Variants in APBA1 observed in about 807,000 individuals in gnomAD.
APBA1 encodes the protein amyloid-beta A4 precursor protein-binding family A member 1.
Under a neutral mutation model 86.6 loss-of-function variants are expected in APBA1, and 55 were observed. That is an observed-to-expected ratio of 0.64 (90% CI 0.51 to 0.80). The LOEUF (loss-of-function observed/expected upper bound fraction) is 0.80. Ranked by LOEUF, APBA1 falls within the 30% of genes least tolerant of loss-of-function variation. The probability of loss-of-function intolerance (pLI) is 0.00; values close to 1 mark genes in which losing one functional copy is unlikely to be tolerated. For synonymous variants in APBA1, 511 were observed against 493.9 expected (o/e 1.03, Z -0.46); for missense variants, 1,090 against 1,183.0 (o/e 0.92, Z 1.15).
At chr9:69,537,868 C>A (rs967600635) in intron 1 of APBA1, among the ~76,000 whole-genome samples, 2 of 151,210 alleles carry the variant, frequency 1.3e-5, no homozygotes, top group Non-Finnish European at 3.0e-5. Flanking sequence ...CAAATGTTTT[C>A]CCCCAGTGTA....
At chr9:69,434,961 A>G (rs1356746385) in intron 11 of APBA1, among the ~76,000 whole-genome samples, 1 of 98,376 alleles carries the variant, frequency 1.0e-5, no homozygotes, top group Non-Finnish European at 1.9e-5. Context: ...CCACCCCACA[A>G]CAGTCCCCAG....
chr9:69,645,896 C>T (rs996008720), intron 1 of APBA1, among the ~76,000 whole-genome samples: 64 of 152,212 alleles, frequency 4.2e-4, no homozygotes, highest in African/African-American at 1.5e-3. Flanking sequence ...AATTCTCCAG[C>T]TGCCCAATCA....
intron 10 of APBA1, among the ~76,000 whole-genome samples, chr9:69,447,406 C>T (rs1253749383): frequency 6.6e-6 from 1 of 152,178 alleles, no homozygotes; most frequent in Non-Finnish European, 1.5e-5. Context: ...GGCAGTTTCT[C>T]AACCTCAGCA....
intron 1 of APBA1, among the ~76,000 whole-genome samples, chr9:69,531,881 G>A (rs1320669078): frequency 6.6e-6 from 1 of 152,192 alleles, no homozygotes; most frequent in Non-Finnish European, 1.5e-5. Flanking sequence ...TCCAATCTCA[G>A]TTCCAGCACT....
At chr9:69,606,352 C>G (rs1018814562) in intron 1 of APBA1, among the ~76,000 whole-genome samples, 4 of 152,148 alleles carry the variant, frequency 2.6e-5, no homozygotes, top group Non-Finnish European at 5.9e-5. Flanking sequence ...TTGATATCTG[C>G]TGCCTAGTTT....
At chr9:69,444,768 C>G (rs1197219511) in intron 10 of APBA1, among the ~76,000 whole-genome samples, 1 of 152,214 alleles carries the variant, frequency 6.6e-6, no homozygotes, top group East Asian at 1.9e-4. Context: ...TCCTTTCCAT[C>G]CACCTAATCA....
intron 10 of APBA1, among the ~76,000 whole-genome samples, chr9:69,447,386 A>G (rs1327409184): frequency 1.3e-5 from 2 of 152,102 alleles, no homozygotes; most frequent in African/African-American, 4.8e-5. Context: ...CTGAACTCCT[A>G]TGCCGCTCAG....
At chr9:69,456,903 A>T in intron 7 of APBA1, 150 bp downstream of exon 7, 1 of 599,726 alleles carries the variant, frequency 1.7e-6, no homozygotes, top group Admixed American at 3.0e-5. Flanking sequence ...ACCCAGCAGC[A>T]GGCACTGTGA....
intron 1 of APBA1, among the ~76,000 whole-genome samples, chr9:69,626,032 T>C (rs1822921677): frequency 6.6e-6 from 1 of 152,188 alleles, no homozygotes; most frequent in Admixed American, 6.5e-5. Flanking sequence ...AATGTCATTC[T>C]AGGTTTAGGA....
At chr9:69,637,009 G>T (rs1823192881) in intron 1 of APBA1, among the ~76,000 whole-genome samples, 1 of 151,728 alleles carries the variant, frequency 6.6e-6, no homozygotes, top group Non-Finnish European at 1.5e-5. Context: ...ATACACAGTG[G>T]AGTACTATTC....
intron 1 of APBA1, among the ~76,000 whole-genome samples, chr9:69,570,645 C>G (rs1469694736): frequency 6.6e-6 from 1 of 152,140 alleles, no homozygotes; most frequent in Non-Finnish European, 1.5e-5. Flanking sequence ...TTTCAAGGAA[C>G]TTTTGGAGAC....
chr9:69,547,256 A>C (rs1174875669), intron 1 of APBA1, among the ~76,000 whole-genome samples: 1 of 152,190 alleles, frequency 6.6e-6, no homozygotes, highest in Non-Finnish European at 1.5e-5. Context: ...GGAACAACTC[A>C]GCTCTTTCCA....
chr9:69,540,995 G>A (rs1013714297), intron 1 of APBA1, among the ~76,000 whole-genome samples: 5 of 152,170 alleles, frequency 3.3e-5, no homozygotes, highest in East Asian at 1.9e-4. Flanking sequence ...ATGTCCTATA[G>A]GTTCACATGT....
chr9:69,620,251 T>C (rs530602950), intron 1 of APBA1, among the ~76,000 whole-genome samples: 2 of 152,204 alleles, frequency 1.3e-5, no homozygotes, highest in Non-Finnish European at 2.9e-5. Context: ...CTAGCCGCAT[T>C]TTCCCCCTGC....
At chr9:69,637,063 G>A (rs1026009151) in intron 1 of APBA1, among the ~76,000 whole-genome samples, 1 of 152,162 alleles carries the variant, frequency 6.6e-6, no homozygotes, top group Admixed American at 6.5e-5. Context: ...CCTGTCATCT[G>A]CAACAGCAGG....
chr9:69,577,486 C>T (rs1428265481), intron 1 of APBA1, among the ~76,000 whole-genome samples: 3 of 152,122 alleles, frequency 2.0e-5, no homozygotes, highest in African/African-American at 7.2e-5. Context: ...CCCTCAAGAC[C>T]ACCATTGAAT....
chr9:69,541,783 A>G (rs1277316721), intron 1 of APBA1, among the ~76,000 whole-genome samples: 1 of 152,168 alleles, frequency 6.6e-6, no homozygotes, highest in East Asian at 1.9e-4. Context: ...AATACACTAT[A>G]GAAAAGCAGT....
chr9:69,589,988 C>G (rs73647258), intron 1 of APBA1, among the ~76,000 whole-genome samples: 1 of 152,062 alleles, frequency 6.6e-6, no homozygotes, highest in Non-Finnish European at 1.5e-5. Flanking sequence ...GGGCTCATGC[C>G]GCTCCTCCTC....
At chr9:69,439,513 C>G (rs982995423) in intron 11 of APBA1, among the ~76,000 whole-genome samples, 5 of 152,176 alleles carry the variant, frequency 3.3e-5, no homozygotes, top group East Asian at 1.9e-4. Context: ...CTAAAATCCT[C>G]TTTATGCTTC....
Sources: gnomAD v4.1 joint callset for allele counts (sites outside exome capture counted in the v4.1 genomes callset) on GRCh38, gnomAD v4.1.1 for gene constraint, MANE v1.5 for transcripts, NCBI Gene and HGNC (gene_info 2026-07-23, HGNC 2026-07-21) for gene names.